Variants in TJP1 observed in about 807,000 individuals in gnomAD.
The protein encoded by TJP1 is tight junction protein 1, also known as tight junction protein ZO-1.
A neutral mutation model predicts 194.2 loss-of-function variants in TJP1; 43 were observed. The observed-to-expected ratio is 0.22, with a 90% confidence interval of 0.17 to 0.29. The LOEUF (loss-of-function observed/expected upper bound fraction) is 0.29, where lower values mean the gene tolerates loss of function less well. TJP1 is among the 10% of genes least tolerant of loss of function. The pLI, the probability that TJP1 is intolerant of heterozygous loss-of-function variation, is 1.00. For synonymous variants in TJP1, 801 were observed against 779.0 expected (o/e 1.03, Z -0.47); for missense variants, 1,971 against 2,185.7 (o/e 0.90, Z 1.96).
intron 11 of TJP1, among the ~76,000 whole-genome samples, chr15:29,734,859 A>T (rs1319075315): frequency 6.6e-6 from 1 of 152,194 alleles, no homozygotes; most frequent in Non-Finnish European, 1.5e-5. Context: ...ATTTTAAAAA[A>T]ACAGAAACAA....
chr15:29,919,504 G>A (rs1013859738), intron 2 of TJP1, among the ~76,000 whole-genome samples: 3 of 152,218 alleles, frequency 2.0e-5, no homozygotes, highest in Admixed American at 6.5e-5. Flanking sequence ...ATTCTAAGGC[G>A]GGAGAGGGAC....
intron 2 of TJP1, among the ~76,000 whole-genome samples, chr15:29,790,595 C>T (rs1007838997): frequency 3.3e-5 from 5 of 152,064 alleles, no homozygotes; most frequent in South Asian, 2.1e-4. Context: ...AATAAATTAA[C>T]GATAGTTGCC....
intron 2 of TJP1, among the ~76,000 whole-genome samples, chr15:29,904,499 T>C (rs1169765276): frequency 6.6e-6 from 1 of 151,442 alleles, no homozygotes; most frequent in Non-Finnish European, 1.5e-5. Context: ...ATTGTTCCAG[T>C]AGTCAAGATA....
chr15:29,846,901 G>A lies in TJP1; in HGVS notation c.307-46199C>T, dbSNP rs186000040. Among the ~76,000 whole-genome samples, 769 of 151,918 alleles carry A rather than the reference G, an allele frequency of 5.1e-3. 5 individuals carry two copies. Among genetic ancestry groups the A allele is most frequent in the Middle Eastern group, 0.014 (4 of 294 alleles). On this transcript the variant is annotated intron_variant, in intron 2 of 28. Coordinates refer to the TJP1 transcript ENST00000356107. ...AGATGGTGCCACTGCACTCCAGCCT[G>A]GGCAACAAAGCGGGACTCCGTCTCA...
intron 4 of TJP1, among the ~76,000 whole-genome samples, chr15:29,767,960 CTT>C (rs1268201975): frequency 6.6e-6 from 1 of 152,048 alleles, no homozygotes; most frequent in Non-Finnish European, 1.5e-5. Flanking sequence ...ACTTCAATCT[CTT>C]TATTTACCTA....
intron 1 of TJP1, among the ~76,000 whole-genome samples, chr15:29,808,243 G>C (rs1455026212): frequency 6.6e-6 from 1 of 152,162 alleles, no homozygotes; most frequent in African/African-American, 2.4e-5. Context: ...ACTCCAGCCT[G>C]GGTGACACAG....
chr15:29,756,130 G>A (rs1199086711), intron 8 of TJP1, among the ~76,000 whole-genome samples: 1 of 152,042 alleles, frequency 6.6e-6, no homozygotes, highest in African/African-American at 2.4e-5. Context: ...GAAGATCAGT[G>A]AAATCTCTTT....
Position 29,718,940 on chromosome 15 carries a change from C to T in TJP1, c.3202G>A (p.Asp1068Asn), listed in dbSNP as rs761548583. The change falls in exon 21 of 28, where the codon GAC becomes AAC. Residue 1068 changes from aspartate (D) to asparagine (N), a missense_variant. Physicochemically the swap from Asp to Asn is conservative, Grantham distance 23. This residue lies in a region of TJP1 where 1,108 missense variants were observed against 1,128.5 expected (regional missense o/e 0.98). Coordinates refer to ENST00000614355, the MANE Select transcript of TJP1 (RefSeq NM_001330239.4). ...TGTTCATAGTTTCGAGAAAACTGGT[C>T]CGTATAGCTTGAGGACTCGTATCTG... ...TYRYESSSYT[D>N]QFSRNYEHRL... 3 of 1,614,122 alleles carry T rather than the reference C, an allele frequency of 1.9e-6. No individual in the cohort carries two copies. In the East Asian group the frequency reaches 6.7e-5, roughly 36 times the overall value.
chr15:29,830,372 G>A (rs954386704), intron 2 of TJP1, among the ~76,000 whole-genome samples: 2 of 149,806 alleles, frequency 1.3e-5, no homozygotes, highest in Admixed American at 6.7e-5. Context: ...AATATATGAT[G>A]TAATATATAT....
intron 4 of TJP1, among the ~76,000 whole-genome samples, chr15:29,769,427 T>C (rs899848): frequency 0.93 from 142,267 of 152,260 alleles, 66,787 homozygotes; most frequent in East Asian, 1. Context: ...CTCTGAAAAG[T>C]CACTCCTAGA....
At chr15:29,787,383 T>C (rs577902080) in intron 2 of TJP1, among the ~76,000 whole-genome samples, 1 of 152,206 alleles carries the variant, frequency 6.6e-6, no homozygotes, top group African/African-American at 2.4e-5. Context: ...TGACCTGAGT[T>C]AGGCAACAGC....
At chr15:29,817,317 GA>G (rs1292326557) in intron 1 of TJP1, among the ~76,000 whole-genome samples, 3 of 152,170 alleles carry the variant, frequency 2.0e-5, no homozygotes, top group African/African-American at 7.2e-5. Context: ...GTGATTATTA[GA>G]AAGTCAGGAA....
intron 2 of TJP1, among the ~76,000 whole-genome samples, chr15:29,773,587 T>G (rs1354308733): frequency 1.3e-5 from 2 of 152,180 alleles, no homozygotes; most frequent in African/African-American, 4.8e-5. Context: ...ATATACATGT[T>G]CTTTAAAAAC....
intron 1 of TJP1, among the ~76,000 whole-genome samples, chr15:29,966,452 G>T (rs190289339): frequency 6.6e-6 from 1 of 152,170 alleles, no homozygotes; most frequent in African/African-American, 2.4e-5. Context: ...GCAATGAGCC[G>T]AGATCTGCCA....
intron 2 of TJP1, among the ~76,000 whole-genome samples, chr15:29,926,498 G>A (rs1386660975): frequency 6.6e-6 from 1 of 152,036 alleles, no homozygotes; most frequent in Admixed American, 6.5e-5. Flanking sequence ...TGTAATCTCA[G>A]CTACTCGGGA....
chr15:29,712,536 A>G (rs1434638752), intron 23 of TJP1, among the ~76,000 whole-genome samples: 2 of 152,202 alleles, frequency 1.3e-5, no homozygotes. Flanking sequence ...CCATTTCACC[A>G]TAATTTGGTC....
intron 11 of TJP1, 121 bp from the exon 12 acceptor site, chr15:29,734,503 A>G: frequency 5.3e-6 from 3 of 563,704 alleles, no homozygotes; most frequent in Non-Finnish European, 8.7e-6. Context: ...TTTTTTTTTG[A>G]GACAGAGTCT....
chr15:29,902,383 A>T (rs1208347032), intron 2 of TJP1, among the ~76,000 whole-genome samples: 1 of 152,168 alleles, frequency 6.6e-6, no homozygotes, highest in Non-Finnish European at 1.5e-5. Flanking sequence ...TTAGCAAACT[A>T]AAGGTAAAAT....
intron 1 of TJP1, among the ~76,000 whole-genome samples, chr15:29,961,027 G>A (rs186664864): frequency 4.3e-4 from 66 of 152,248 alleles, no homozygotes; most frequent in African/African-American, 1.5e-3. Flanking sequence ...GGGGAGGGGC[G>A]TGTGTGTTTC....
Sources: gnomAD v4.1 joint callset for allele counts (sites outside exome capture counted in the v4.1 genomes callset) on GRCh38, gnomAD v4.1.1 for gene constraint, gnomAD v4.1.1 regional missense constraint, MANE v1.5 for transcripts, NCBI Gene and HGNC (gene_info 2026-07-23, HGNC 2026-07-21) for gene names.